NOTCH4: variants seen among roughly 807,000 people sequenced by gnomAD.
The protein encoded by NOTCH4 is neurogenic locus notch homolog protein 4.
NOTCH4 carries 138 observed loss-of-function variants against 189.0 expected under a neutral mutation model. That is an observed-to-expected ratio of 0.73 (90% CI 0.64 to 0.84). The LOEUF (loss-of-function observed/expected upper bound fraction) is 0.84. Ranked by LOEUF, NOTCH4 falls within the 40% of genes least tolerant of loss-of-function variation. NOTCH4 has a pLI of 0.00. For missense variants in NOTCH4, 2,286 were observed against 2,605.4 expected (o/e 0.88, Z 2.67); for synonymous variants, 942 against 1,032.8 (o/e 0.91, Z 1.69).
intron 28 of NOTCH4, among the ~76,000 whole-genome samples, 170 bp downstream of exon 28, chr6:32,196,742 TGTTGAGGGTGGGA>T (rs1787959964): frequency 1.3e-5 from 2 of 151,388 alleles, no homozygotes; most frequent in Admixed American, 6.6e-5. Context: ...GCCAGTGTGG[TGTTGAGGGTGGGA>T]GTTGGGGGGG....
In NOTCH4 at chr6:32,196,911, C is replaced by G; in HGVS notation, c.5200+14G>C. The G allele has an allele frequency of 1.2e-6, 2 of 1,612,844 alleles. No homozygotes were observed. The highest frequency in any genetic ancestry group is 1.7e-6 in the Non-Finnish European group (2 of 1,180,016). ...AACTTCTCTATAGCATACATCACCCCTTCCTCTACATACCCCATTTATCTC... is the reference window on the plus strand; with the variant it reads ...AACTTCTCTATAGCATACATCACCCGTTCCTCTACATACCCCATTTATCTC... On this transcript the variant is annotated intron_variant, in intron 28 of 29. Transcript: ENST00000375023.
In NOTCH4 at chr6:32,222,536, C is replaced by A; in HGVS notation, c.426G>T (p.Gln142His). 1.3e-6 allele frequency: 2 copies of A among 1,553,920 alleles called. No individual in the cohort carries two copies. The highest frequency in any genetic ancestry group is 1.7e-6 in the Non-Finnish European group (2 of 1,155,246). Residue 142 changes from glutamine to histidine, a missense_variant, in exon 3 of 30, where the codon CAG becomes CAT. Coordinates refer to ENST00000375023, the MANE Select transcript of NOTCH4 (RefSeq NM_004557.4). ...CTGTCCATCCAGGCATGCAGGAGCA[C>A]TGTGGGCGGCCCGAGGCCTGGATGT... ...RCHIQASGRP[Q>H]CSCMPGWTGE...
chr6:32,223,118 C>A, intron 1 of NOTCH4, 32 bp from the exon 2 acceptor site: 1 of 1,560,962 alleles, frequency 6.4e-7, no homozygotes, highest in East Asian at 2.2e-5. Flanking sequence ...CAATGGAAGC[C>A]CTGGGTGCTG....
At chr6:32,207,389 G>A (rs989721643) in intron 18 of NOTCH4, among the ~76,000 whole-genome samples, 5 of 151,490 alleles carry the variant, frequency 3.3e-5, no homozygotes, top group African/African-American at 7.3e-5. Flanking sequence ...TTTGGGAGGC[G>A]GAGGTGGGTG....
Position 32,195,762 on chromosome 6 carries a change from T to A in NOTCH4, c.5687A>T (p.His1896Leu). 1 of 1,610,944 alleles carries A rather than the reference T, an allele frequency of 6.2e-7. No homozygotes were observed. The change falls in exon 30 of 30, where the codon CAT becomes CTT. Residue 1896 changes from histidine (H) to leucine (L), a missense_variant. His to Leu is a moderately conservative substitution (Grantham distance 99). Transcript: ENST00000375023. The surrounding 1 kb of genome is among the most constrained non-coding windows in gnomAD (Gnocchi z 5.4). ...TCCTACTCCCGAGAGGCTCCGGCAA[T>A]GAGAATAGGCCCCGCCCCCCCGCGC... ...LAARGGGAYS[H>L]CRSLSGVGAG...
At chr6:32,204,921 G>A (rs1004888485) in intron 18 of NOTCH4, among the ~76,000 whole-genome samples, 3 of 152,120 alleles carry the variant, frequency 2.0e-5, no homozygotes, top group Non-Finnish European at 4.4e-5. Flanking sequence ...TACTTTGCAC[G>A]TAAGGAAGCT....
At position 32,222,473 on chromosome 6, in the gene NOTCH4, C is replaced by T. The variant is rs377243926; in HGVS notation, c.451+38G>A. 17 of 1,484,478 alleles carry T rather than the reference C, an allele frequency of 1.1e-5. No homozygotes were observed. The South Asian group carries it at 2.0e-4, about 18-fold the overall frequency. The allele number at this position is 1,484,478 out of a possible 1,614,324, so 92.0% of individuals were successfully genotyped here. A position where few individuals can be genotyped will look rare whatever the true frequency, so the allele number is the denominator to read the frequency against. On this transcript the variant is annotated intron_variant, in intron 3 of 29. Transcript: ENST00000375023. ...CCACCCACAGCCTAGCCCATTGCTC[C>T]TGCCTGTCCCCTCCTGGCTGCCCCC...
Position 32,215,436 on chromosome 6 carries a change from T to C in NOTCH4, c.1862-51A>G, listed in dbSNP as rs762287089. 22 of 1,531,918 alleles carry C rather than the reference T, an allele frequency of 1.4e-5. No homozygotes were observed. The Admixed American group carries it at 1.6e-4, about 11-fold the overall frequency. 94.9% of individuals were successfully genotyped at this position (1,531,918 alleles called of 1,614,324 possible). A position where few individuals can be genotyped will look rare whatever the true frequency, so the allele number is the denominator to read the frequency against. Reference sequence around the variant, plus strand: ...GAAAACAGCTCCTCCACATCCTTCATTGGGCCAAAGCCACATCCTTCATTG... The same window carrying C: ...GAAAACAGCTCCTCCACATCCTTCACTGGGCCAAAGCCACATCCTTCATTG... On this transcript the variant is annotated intron_variant, in intron 11 of 29. Coordinates refer to ENST00000375023, the MANE Select transcript of NOTCH4 (RefSeq NM_004557.4).
At chr6:32,204,090 T>C (rs1437039921) in intron 19 of NOTCH4, 47 bp downstream of exon 19, 5 of 1,602,552 alleles carry the variant, frequency 3.1e-6, no homozygotes, top group Non-Finnish European at 4.3e-6. Context: ...CATGGTCTGC[T>C]TGGCTGTGCT....
Position 32,217,925 on chromosome 6 carries a change from T to G in NOTCH4, c.1624+70A>C. On this transcript the variant is annotated intron_variant, in intron 9 of 29. Transcript: ENST00000375023. The surrounding 1 kb of genome is among the most constrained non-coding windows in gnomAD (Gnocchi z 4.2). ...AGAGCTTCAAGTGGCCTTGGGTGAT[T>G]GCTGAGCCTGAACTCTGCAGGTTCA... 2.0e-6 allele frequency: 2 copies of G among 1,023,392 alleles called. No individual in the cohort carries two copies. The highest frequency in any genetic ancestry group is 5.0e-5 in the East Asian group (2 of 39,700). The allele number at this position is 1,023,392 out of a possible 1,614,324, so 63.4% of individuals were successfully genotyped here. A position where few individuals can be genotyped will look rare whatever the true frequency, so the allele number is the denominator to read the frequency against.
In NOTCH4 at chr6:32,196,341, C is replaced by A; in HGVS notation, c.5281G>T (p.Asp1761Tyr). 4 of 1,613,158 alleles carry A rather than the reference C, an allele frequency of 2.5e-6. No individual in the cohort carries two copies. Among genetic ancestry groups the A allele is most frequent in the Non-Finnish European group, 3.4e-6 (4 of 1,180,046 alleles). The change falls in exon 29 of 30, where the codon GAT (aspartate) becomes TAT (tyrosine). Residue 1761 changes from aspartate to tyrosine, a missense_variant. Around this residue, in one of 2 missense-constraint regions of NOTCH4, gnomAD observed 383 missense variants for 343.5 expected, o/e 1.11. Coordinates refer to ENST00000375023, the MANE Select transcript of NOTCH4 (RefSeq NM_004557.4). ...RSLLQAGADK[D>Y]AQDNREQTPL... is the part of the protein sequence containing the mutation. Reference sequence around the variant, plus strand: ...CATCTAACCCTGTTGTCCTGGGCATCTTTATCGGCTCCGGCCTGGAGAAGC... The same window carrying A: ...CATCTAACCCTGTTGTCCTGGGCATATTTATCGGCTCCGGCCTGGAGAAGC...
Position 32,202,490 on chromosome 6 carries a change from C to A in NOTCH4, c.3341G>T (p.Cys1114Phe). The change falls in exon 21 of 30, where the codon TGT (cysteine) becomes TTT (phenylalanine). Residue 1114 changes from cysteine (C) to phenylalanine (F), a missense_variant. Physicochemically the swap from Cys to Phe is radical, Grantham distance 205. This residue lies in a region of NOTCH4 where 1,903 missense variants were observed against 2,261.9 expected (regional missense o/e 0.84). Transcript: ENST00000375023. This position sits in a 1 kb window ranked among gnomAD's most constrained non-coding sequence, Gnocchi z 5.7. ...ACCCCCATAGCCACTGAGGCAGGCA[C>A]AGCGTGGTGGGAAGCCTGGCTTAGG... ...PSPKPGFPPRCACLSGYGGPD... is the reference protein window; with the variant it reads ...PSPKPGFPPRFACLSGYGGPD... The A allele has an allele frequency of 2.5e-6, 4 of 1,612,602 alleles. No homozygotes were observed. The highest frequency in any genetic ancestry group is 3.4e-6 in the Non-Finnish European group (4 of 1,179,756).
chr6:32,209,388 T>C lies in NOTCH4; in HGVS notation c.2865+1364A>G, dbSNP rs368456414. On this transcript the variant is annotated intron_variant, in intron 18 of 29. Coordinates refer to ENST00000375023, the MANE Select transcript of NOTCH4 (RefSeq NM_004557.4). ...GGGGAGATGAAGAGAGGTTGGTTAA[T>C]GGATACAAAATTATGGTCATATAGA... Among the ~76,000 whole-genome samples the C allele has an allele frequency of 9.2e-5, 14 of 152,290 alleles. No individual in the cohort carries two copies. The East Asian group carries it at 1.3e-3, about 15-fold the overall frequency.
intron 19 of NOTCH4, 59 bp from the exon 20 acceptor site, chr6:32,203,941 G>T: frequency 1.3e-6 from 2 of 1,489,736 alleles, no homozygotes; most frequent in Non-Finnish European, 1.8e-6. Context: ...CTCCATCCTA[G>T]CTCATTCCTG....
rs1403311161 is a variant in NOTCH4 at position 32,201,108 on chromosome 6, G to C, written c.4139+9C>G. 1 of 1,601,616 alleles carries C rather than the reference G, an allele frequency of 6.2e-7. No individual in the cohort carries two copies. The highest frequency in any genetic ancestry group is 1.7e-5 in the Admixed American group (1 of 58,616). Reference sequence around the variant, plus strand: ...GGTGTCTGGCCCTTCCCTCCACCTAGCTTCTTACCCAGCACTGAGGGAGTC... The same window carrying C: ...GGTGTCTGGCCCTTCCCTCCACCTACCTTCTTACCCAGCACTGAGGGAGTC... On this transcript the variant is annotated intron_variant, in intron 22 of 29. Coordinates refer to ENST00000375023, the MANE Select transcript of NOTCH4 (RefSeq NM_004557.4). This position sits in a 1 kb window ranked among gnomAD's most constrained non-coding sequence, Gnocchi z 5.5.
chr6:32,204,088 G>C (rs1426272967), intron 19 of NOTCH4, 49 bp downstream of exon 19: 2 of 1,601,184 alleles, frequency 1.2e-6, no homozygotes, highest in African/African-American at 2.7e-5. Context: ...TCCATGGTCT[G>C]CTTGGCTGTG....
chr6:32,202,144 G>T lies in NOTCH4; in HGVS notation c.3687C>A (p.Cys1229Ter). 6.6e-7 allele frequency: 1 copy of T among 1,516,672 alleles called. No individual in the cohort carries two copies. The highest frequency in any genetic ancestry group is 8.8e-7 in the Non-Finnish European group (1 of 1,132,648). The allele number at this position is 1,516,672 out of a possible 1,614,324, so 94.0% of individuals were successfully genotyped here. A position where few individuals can be genotyped will look rare whatever the true frequency, so the allele number is the denominator to read the frequency against. Residue 1229 changes from cysteine (C) to a stop codon, truncating the protein, a stop_gained, in exon 21 of 30, where the codon TGC becomes TGA. Coordinates refer to ENST00000375023, the MANE Select transcript of NOTCH4 (RefSeq NM_004557.4). LOFTEE classifies it high-confidence loss of function. This position sits in a 1 kb window ranked among gnomAD's most constrained non-coding sequence, Gnocchi z 5.7. The stretch of plus-strand genomic sequence containing the variant: ...ACTCTTCAGAGTCACACTGTGGGTG[G>T]CACTGCCCGTCCCGGAAGAGAAGCC... Reference protein sequence around the residue: ...RCWLLFRDGQCHPQCDSEECL... With the variant: ...RCWLLFRDGQ
chr6:32,220,379 C>A (rs2127486919), intron 6 of NOTCH4, 26 bp downstream of exon 6: 3 of 1,613,062 alleles, frequency 1.9e-6, no homozygotes, highest in Non-Finnish European at 2.5e-6. Flanking sequence ...CTACCTCCCA[C>A]CTCCTGATAC....
chr6:32,208,116 T>C (rs1273225596), intron 18 of NOTCH4, among the ~76,000 whole-genome samples: 1 of 151,336 alleles, frequency 6.6e-6, no homozygotes, highest in African/African-American at 2.4e-5. Context: ...AACAGACAAA[T>C]GTGATTACAT....
Sources: gnomAD v4.1 joint callset for allele counts (sites outside exome capture counted in the v4.1 genomes callset) on GRCh38, gnomAD v4.1.1 for gene constraint, gnomAD v4.1.1 regional missense constraint, Gnocchi (gnomAD v3.1) non-coding constraint, MANE v1.5 for transcripts, NCBI Gene and HGNC (gene_info 2026-07-23, HGNC 2026-07-21) for gene names.